Variants in TRPM3 observed in about 807,000 individuals in gnomAD.
TRPM3 encodes the protein long transient receptor potential channel 3.
Under a neutral mutation model 181.2 loss-of-function variants are expected in TRPM3, and 77 were observed. The observed-to-expected ratio is 0.42, with a 90% CI of 0.35 to 0.51. The LOEUF is 0.51. Among genes scored for constraint, TRPM3 ranks in the 20% least tolerant of loss-of-function variants. TRPM3 has a pLI of 0.01. For missense variants in TRPM3, 1,759 were observed against 2,196.7 expected, an observed-to-expected ratio of 0.80 and a Z score of 3.98; for synonymous variants, 745 against 796.4, an observed-to-expected ratio of 0.94 and a Z score of 1.09.
intron 25 of TRPM3, among the ~76,000 whole-genome samples, chr9:70,537,612 G>A (rs2042125914): frequency 6.6e-6 from 1 of 152,176 alleles, no homozygotes; most frequent in Non-Finnish European, 1.5e-5. Context: ...AGCTAGAAGA[G>A]GCTTTAGAGA....
intron 1 of TRPM3, among the ~76,000 whole-genome samples, chr9:71,401,667 G>T (rs1246057719): frequency 6.6e-6 from 1 of 152,196 alleles, no homozygotes; most frequent in African/African-American, 2.4e-5. Flanking sequence ...ACGGTGGTTA[G>T]AGAAGAGAGT....
In TRPM3 at chr9:70,959,168, GA is replaced by G. The variant is rs767994499; in HGVS notation, c.178-94658del. ...TAAAGTATAATAATAATAAAAAAAA[GA>G]AAAAAAATATGTCACCTGTAAAAAA... is the stretch of plus-strand genomic sequence containing the variant. On this transcript the variant is annotated intron_variant, in intron 1 of 25. Transcript: ENST00000677713. 7.3e-5 allele frequency among the ~76,000 whole-genome samples: 11 copies of G among 150,390 alleles called. No homozygotes were observed. In the East Asian group the frequency reaches 1.2e-3, roughly 16 times the overall value.
At position 70,935,228 on chromosome 9, in the gene TRPM3, A is replaced by G. The variant is rs530172866; in HGVS notation, c.178-70717T>C. 8.9e-4 allele frequency among the ~76,000 whole-genome samples: 135 copies of G among 152,194 alleles called. No individual in the cohort carries two copies. In the Middle Eastern group the frequency reaches 0.014, roughly 15 times the overall value. ...ACTTACAGCTCCCTGAAATTTTTGA[A>G]TCATGCCTCCCTGTAATACTTACTG... is the stretch of plus-strand genomic sequence containing the variant. On this transcript the variant is annotated intron_variant, in intron 1 of 25. Transcript: ENST00000677713.
chr9:71,114,968 T>G (rs1587372050), intron 1 of TRPM3, among the ~76,000 whole-genome samples: 1 of 151,992 alleles, frequency 6.6e-6, no homozygotes, highest in East Asian at 1.9e-4. Flanking sequence ...AAACAGAAAA[T>G]AAAAAGAAAT....
At chr9:71,110,543 T>C (rs770350054) in intron 1 of TRPM3, among the ~76,000 whole-genome samples, 1 of 152,170 alleles carries the variant, frequency 6.6e-6, no homozygotes, top group Non-Finnish European at 1.5e-5. Context: ...TACAATAGAC[T>C]ACATGAGCAG....
chr9:70,894,442 C>T (rs1038434481), intron 1 of TRPM3, among the ~76,000 whole-genome samples: 11 of 152,062 alleles, frequency 7.2e-5, no homozygotes, highest in African/African-American at 2.7e-4. Flanking sequence ...GCATTTGTAT[C>T]TCATGGATAC....
intron 1 of TRPM3, among the ~76,000 whole-genome samples, chr9:71,399,252 T>C (rs1275091683): frequency 1.3e-5 from 2 of 152,174 alleles, no homozygotes; most frequent in African/African-American, 2.4e-5. Context: ...AAATAAGTTG[T>C]TCTTGTTGAT....
Position 70,619,015 on chromosome 9 carries a change from T to C in TRPM3, c.2210A>G (p.Tyr737Cys), listed in dbSNP as rs765837994. 6.2e-7 allele frequency: 1 copy of C among 1,614,238 alleles called. No homozygotes were observed. The highest frequency in any genetic ancestry group is 1.1e-5 in the South Asian group (1 of 91,086). The change falls in exon 17 of 26, where the codon TAT becomes TGT. Residue 737 changes from tyrosine (Y) to cysteine (C), a missense_variant. By Grantham distance (194) the Tyr-to-Cys change is radical. Coordinates refer to ENST00000677713, the MANE Select transcript of TRPM3 (RefSeq NM_001366145.2). ...GGCGTTGCTCCAGTTCTTCAGCTCATACGTCAGCAGTTTCATGGCCAGCTG... is the reference window on the plus strand; with the variant it reads ...GGCGTTGCTCCAGTTCTTCAGCTCACACGTCAGCAGTTTCATGGCCAGCTG... The part of the protein sequence containing the change: ...DEQLAMKLLT[Y>C]ELKNWSNATC...
chr9:70,880,031 G>T (rs2095957062), intron 1 of TRPM3, among the ~76,000 whole-genome samples: 1 of 152,068 alleles, frequency 6.6e-6, no homozygotes, highest in Admixed American at 6.6e-5. Context: ...GACAAATTAT[G>T]TATTAAATCT....
chr9:70,872,327 G>T (rs1320773422), intron 1 of TRPM3, among the ~76,000 whole-genome samples: 1 of 151,884 alleles, frequency 6.6e-6, no homozygotes, highest in Non-Finnish European at 1.5e-5. Context: ...AAGCAGGAAG[G>T]AGTAGTAGTG....
intron 1 of TRPM3, among the ~76,000 whole-genome samples, chr9:71,404,470 A>T (rs964141975): frequency 3.3e-5 from 5 of 152,014 alleles, no homozygotes; most frequent in African/African-American, 4.8e-5. Context: ...TAATTCAGTT[A>T]CTCATCAAGT....
intron 1 of TRPM3, among the ~76,000 whole-genome samples, chr9:71,001,953 AC>A (rs1283255343): frequency 6.6e-6 from 1 of 152,170 alleles, no homozygotes; most frequent in East Asian, 1.9e-4. Flanking sequence ...TGTGCCAGAG[AC>A]CAGGTATTTG....
chr9:71,152,893 AAAC>A (rs1317429532), intron 1 of TRPM3, among the ~76,000 whole-genome samples: 4 of 152,186 alleles, frequency 2.6e-5, no homozygotes, highest in Non-Finnish European at 5.9e-5. Flanking sequence ...ATAAAGGATA[AAAC>A]AACAGTGGCC....
chr9:70,666,635 C>T (rs1432143561), intron 9 of TRPM3, among the ~76,000 whole-genome samples: 2 of 152,142 alleles, frequency 1.3e-5, no homozygotes, highest in Non-Finnish European at 2.9e-5. Context: ...TAGTTCTTTG[C>T]ATGTGGCCCA....
At chr9:71,275,630 A>C (rs2132156158) in intron 1 of TRPM3, among the ~76,000 whole-genome samples, 1 of 152,280 alleles carries the variant, frequency 6.6e-6, no homozygotes, top group Non-Finnish European at 1.5e-5. Flanking sequence ...TAGAGGAATA[A>C]TGTCATGGGA....
intron 20 of TRPM3, 139 bp downstream of exon 20, chr9:70,603,203 C>T (rs1353377195): frequency 3.9e-6 from 4 of 1,036,420 alleles, no homozygotes; most frequent in Admixed American, 5.3e-5. Flanking sequence ...GTCAGAGGAG[C>T]AAAGAAGCAG....
intron 9 of TRPM3, among the ~76,000 whole-genome samples, chr9:70,667,297 G>A (rs1041177909): frequency 6.6e-6 from 1 of 152,066 alleles, no homozygotes; most frequent in African/African-American, 2.4e-5. Context: ...AATCTTTTGT[G>A]TGAGTGTCTT....
At chr9:70,992,529 AAC>A (rs2097498262) in intron 1 of TRPM3, among the ~76,000 whole-genome samples, 1 of 152,238 alleles carries the variant, frequency 6.6e-6, no homozygotes, top group South Asian at 2.1e-4. Context: ...AATGTAGAGC[AAC>A]ACTGTCTAAC....
At chr9:71,381,808 A>C (rs1164142483) in intron 1 of TRPM3, among the ~76,000 whole-genome samples, 6 of 152,138 alleles carry the variant, frequency 3.9e-5, no homozygotes, top group Admixed American at 3.9e-4. Context: ...GTTTTGGATG[A>C]GATGATTATT....
Sources: allele counts gnomAD v4.1 joint callset (sites outside exome capture counted in the v4.1 genomes callset), GRCh38; gene constraint gnomAD v4.1.1; transcripts MANE v1.5; gene names NCBI Gene and HGNC (gene_info 2026-07-23, HGNC 2026-07-21).